Variants in TTC23L observed in about 807,000 individuals in gnomAD.
The protein encoded by TTC23L is tetratricopeptide repeat domain 23 like, also known as tetratricopeptide repeat protein 23-like.
In TTC23L, 42 loss-of-function variants were observed where a neutral mutation model predicts 48.1. The ratio of observed to expected loss-of-function variants is 0.87; its 90% CI spans 0.68 to 1.13. TTC23L has a LOEUF of 1.13. TTC23L is among the 50% of genes most tolerant of loss of function. The pLI, the probability that TTC23L is intolerant of heterozygous loss-of-function variation, is 0.00. For missense variants in TTC23L, 391 were observed against 421.0 expected, an observed-to-expected ratio of 0.93 and a Z score of 0.62; for synonymous variants, 159 against 157.2, an observed-to-expected ratio of 1.01 and a Z score of -0.09.
the TTC23L span, among the ~76,000 whole-genome samples, chr5:34,912,923 C>T: frequency 6.6e-6 from 1 of 152,162 alleles, no homozygotes; most frequent in Admixed American, 6.5e-5. Flanking sequence ...ATCACTTGAA[C>T]CCGGGAGGCA....
At chr5:34,889,439 C>T (rs572593962) in intron 9 of TTC23L, among the ~76,000 whole-genome samples, 1 of 152,218 alleles carries the variant, frequency 6.6e-6, no homozygotes, top group East Asian at 1.9e-4. Flanking sequence ...ATAATTGGTC[C>T]CCTTCTCAAC....
At chr5:34,844,621 A>G (rs1205100833) in intron 2 of TTC23L, among the ~76,000 whole-genome samples, 1 of 152,138 alleles carries the variant, frequency 6.6e-6, no homozygotes, top group Admixed American at 6.5e-5. Flanking sequence ...AAGAAAAGTA[A>G]ATTTTATTTT....
chr5:34,856,215 GA>G (rs1312171562), intron 4 of TTC23L, among the ~76,000 whole-genome samples: 1 of 152,226 alleles, frequency 6.6e-6, no homozygotes, highest in African/African-American at 2.4e-5. Flanking sequence ...CACAAGTTGA[GA>G]ATCGCTAATC....
At chr5:34,889,865 A>G (rs1762754932) in intron 9 of TTC23L, among the ~76,000 whole-genome samples, 1 of 151,768 alleles carries the variant, frequency 6.6e-6, no homozygotes. Flanking sequence ...TTTGAGACAG[A>G]GTCTTGCTCT....
chr5:34,867,879 G>C (rs1761186573), intron 7 of TTC23L: 1 of 152,246 alleles, frequency 6.6e-6, no homozygotes, highest in African/African-American at 2.4e-5. Context: ...TGTGAAGGCA[G>C]GGAGTCCACT....
intron 2 of TTC23L, among the ~76,000 whole-genome samples, chr5:34,843,999 G>A (rs181590849): frequency 2.0e-5 from 3 of 152,272 alleles, no homozygotes; most frequent in Admixed American, 1.3e-4. Flanking sequence ...AAATCACAGT[G>A]TACTAGCAGT....
At chr5:34,899,548 G>C (rs1342817252), downstream of TTC23L, 4 of 152,562 alleles carry the variant, frequency 2.6e-5, no homozygotes, top group Admixed American at 6.5e-5. Context: ...GGGAAAAAAA[G>C]GTCCACTTAG....
At chr5:34,888,200 G>A (rs976794370) in intron 9 of TTC23L, among the ~76,000 whole-genome samples, 5 of 152,136 alleles carry the variant, frequency 3.3e-5, no homozygotes, top group African/African-American at 9.7e-5. Context: ...CACCTGACAC[G>A]AAATGGACTA....
the TTC23L span, chr5:34,914,624 A>T: frequency 6.7e-7 from 1 of 1,492,630 alleles, no homozygotes; most frequent in Non-Finnish European, 9.3e-7. Context: ...TTGTCTACTG[A>T]AACCTTCCGA....
chr5:34,913,397 T>A, the TTC23L span: 1 of 834,422 alleles, frequency 1.2e-6, no homozygotes, highest in South Asian at 2.9e-5. Context: ...ATGTTTATGT[T>A]CCAAATAACT....
At chr5:34,851,463 G>A (rs1249202661) in intron 4 of TTC23L, among the ~76,000 whole-genome samples, 1 of 152,002 alleles carries the variant, frequency 6.6e-6, no homozygotes, top group African/African-American at 2.4e-5. Context: ...TTATTGATGT[G>A]GCAAGATCAC....
intron 8 of TTC23L, among the ~76,000 whole-genome samples, chr5:34,870,592 T>C (rs1761384749): frequency 1.3e-5 from 2 of 152,174 alleles, no homozygotes; most frequent in Admixed American, 1.3e-4. Flanking sequence ...GAGAAAACAC[T>C]TTCTATGAGG....
At chr5:34,914,481 G>C in the TTC23L span, 1 of 571,714 alleles carries the variant, frequency 1.7e-6, no homozygotes. Context: ...AAAACAAGAT[G>C]GGAAAAGAAT....
In TTC23L at chr5:34,863,857, C is replaced by T. The variant is rs1760859207; in HGVS notation, c.537-580C>T. Among the ~76,000 whole-genome samples, 1 of 152,222 alleles carries T rather than the reference C, an allele frequency of 6.6e-6. No individual in the cohort carries two copies. The highest frequency in any genetic ancestry group is 2.4e-5 in the African/African-American group (1 of 41,440). The stretch of plus-strand genomic sequence containing the variant: ...TGTCCCCAGTCTCCTCTCTACACAT[C>T]CCCCTCTCTACTTTTTTGGTCCTAA... On this transcript the variant is annotated intron_variant, in intron 5 of 10. Coordinates refer to ENST00000505624, the Ensembl canonical transcript of TTC23L. The surrounding 1 kb of genome is among the most constrained non-coding windows in gnomAD (Gnocchi z 4.1).
chr5:34,925,130 C>T, the TTC23L span: 37 of 1,439,680 alleles, frequency 2.6e-5, no homozygotes, highest in Non-Finnish European at 3.3e-5. Flanking sequence ...ATGACACTGG[C>T]TGAAAGGATA....
chr5:34,914,619 T>C, the TTC23L span: 1 of 1,408,918 alleles, frequency 7.1e-7, no homozygotes. Context: ...TTATTTTGTC[T>C]ACTGAAACCT....
chr5:34,887,660 CAA>C (rs1181809432), intron 9 of TTC23L, among the ~76,000 whole-genome samples: 1 of 151,928 alleles, frequency 6.6e-6, no homozygotes, highest in Non-Finnish European at 1.5e-5. Context: ...TTTTAAGAAT[CAA>C]GATTGATAAA....
intron 4 of TTC23L, among the ~76,000 whole-genome samples, chr5:34,858,041 C>T (rs72732817): frequency 2.6e-5 from 4 of 152,324 alleles, no homozygotes; most frequent in Non-Finnish European, 5.9e-5. Context: ...CCAACCCAAA[C>T]TAAAGCAAAA....
At chr5:34,846,602 C>CAA (rs1759192476) in intron 3 of TTC23L, among the ~76,000 whole-genome samples, 1 of 123,838 alleles carries the variant, frequency 8.1e-6, no homozygotes, top group African/African-American at 3.3e-5. Context: ...TATATATATA[C>CAA]ACACACATAT....
Sources: allele counts gnomAD v4.1 joint callset (sites outside exome capture counted in the v4.1 genomes callset), GRCh38; gene constraint gnomAD v4.1.1; non-coding constraint Gnocchi (gnomAD v3.1); transcripts MANE v1.5; gene names NCBI Gene and HGNC (gene_info 2026-07-23, HGNC 2026-07-21).